ART3: variants seen among roughly 807,000 people sequenced by gnomAD.
ART3 encodes the protein ecto-ADP-ribosyltransferase 3.
A neutral mutation model predicts 48.5 loss-of-function variants in ART3; 49 were observed. The observed-to-expected ratio is 1.01, with a 90% CI of 0.80 to 1.28. The LOEUF (loss-of-function observed/expected upper bound fraction) is 1.28, where lower values mean the gene tolerates loss of function less well. ART3 is among the 50% of genes most tolerant of loss of function. ART3 has a pLI of 0.00. For missense variants in ART3, 438 were observed against 454.3 expected (o/e 0.96, Z 0.33); for synonymous variants, 145 against 157.2 (o/e 0.92, Z 0.58).
intron 1 of ART3, among the ~76,000 whole-genome samples, chr4:76,038,969 C>T (rs948428166): frequency 1.3e-5 from 2 of 152,086 alleles, no homozygotes; most frequent in African/African-American, 2.4e-5. Context: ...GTGATCCTGC[C>T]GCCTTGGCCT....
chr4:76,082,064 GAAGCTC>G lies in ART3; in HGVS notation c.314_319del (p.Ala105_Gln106del), dbSNP rs1722607981. The G allele has an allele frequency of 6.2e-7, 1 of 1,614,042 alleles. No homozygotes were observed. Among genetic ancestry groups the G allele is most frequent in the Admixed American group, 1.7e-5 (1 of 60,000 alleles). ...AATAGCCCTGATGGCATATATTTCC[GAAGCTC>G]AAGAGCAAACTCCCTTTTACCATCT... is the stretch of plus-strand genomic sequence containing the variant. On this transcript the variant is annotated inframe_deletion, in exon 3 of 12. Coordinates refer to ENST00000355810, the MANE Select transcript of ART3 (RefSeq NM_001130016.3).
intron 1 of ART3, among the ~76,000 whole-genome samples, chr4:76,018,737 A>T (rs977052344): frequency 6.6e-6 from 1 of 152,216 alleles, no homozygotes; most frequent in African/African-American, 2.4e-5. Flanking sequence ...AATGAAGAAC[A>T]TATGCCAGAG....
rs59498066 is a variant in ART3 at position 76,069,386 on chromosome 4, C to CTTTGTTTTT, written c.-9-6492_-9-6491insGTTTTTTTT. On this transcript the variant is annotated intron_variant, in intron 1 of 9. Transcript: ENST00000341029. ...ATGTAAATGTATCAGTACTTAATTC[C>CTTTGTTTTT]TTTTTTTTTTTTTTTTTTTTTGAGA... is the stretch of plus-strand genomic sequence containing the variant. Among the ~76,000 whole-genome samples the CTTTGTTTTT allele has an allele frequency of 3.5e-4, 38 of 110,122 alleles. 1 individual carries two copies. Among genetic ancestry groups the CTTTGTTTTT allele is most frequent in the African/African-American group, 1.1e-3 (31 of 29,048 alleles). The allele number at this position is 110,122 out of a possible 152,430, so 72.2% of individuals were successfully genotyped here. A position where few individuals can be genotyped will look rare whatever the true frequency, so the allele number is the denominator to read the frequency against.
chr4:76,050,621 G>T (rs1226359573), intron 1 of ART3, among the ~76,000 whole-genome samples: 2 of 152,228 alleles, frequency 1.3e-5, no homozygotes, highest in Non-Finnish European at 2.9e-5. Flanking sequence ...AGGGCTGCAG[G>T]TGGAGCTGCC....
At chr4:76,084,607 G>A (rs975682154) in intron 3 of ART3, among the ~76,000 whole-genome samples, 1 of 152,106 alleles carries the variant, frequency 6.6e-6, no homozygotes, top group East Asian at 1.9e-4. Flanking sequence ...AAATTTTATG[G>A]TGTTGTGCCT....
chr4:76,055,238 C>T (rs1050610748), intron 1 of ART3, among the ~76,000 whole-genome samples: 2 of 152,204 alleles, frequency 1.3e-5, no homozygotes, highest in Non-Finnish European at 2.9e-5. Context: ...GAGTGTCTAC[C>T]TCTCACCTTG....
rs866014579 is a variant in ART3, at chr4:76,047,734, T to G, written c.-9-28147T>G. ...TTTCTTCAGCTGTCATTCCATCATT[T>G]ACTTGACTAAGATACCGGGTATCTC... is the stretch of plus-strand genomic sequence containing the variant. On this transcript the variant is annotated intron_variant, in intron 1 of 9. Coordinates refer to the ART3 transcript ENST00000341029. Among the ~76,000 whole-genome samples, 54 of 152,084 alleles carry G rather than the reference T, an allele frequency of 3.6e-4. 2 individuals are homozygous for G. Among genetic ancestry groups the G allele is most frequent in the African/African-American group, 1.1e-3 (45 of 41,556 alleles).
intron 1 of ART3, among the ~76,000 whole-genome samples, chr4:76,017,197 A>G (rs1732345403): frequency 1.3e-5 from 2 of 151,590 alleles, no homozygotes; most frequent in African/African-American, 4.9e-5. Flanking sequence ...ACCTAAAGCC[A>G]GCATATCTGA....
intron 3 of ART3, among the ~76,000 whole-genome samples, chr4:76,083,082 C>T (rs1453699600): frequency 2.6e-5 from 4 of 152,290 alleles, no homozygotes; most frequent in Non-Finnish European, 5.9e-5. Flanking sequence ...CCTGTGGTCC[C>T]AGCTGCATGG....
At chr4:76,061,432 C>T (rs1719203452) in intron 1 of ART3, among the ~76,000 whole-genome samples, 1 of 152,202 alleles carries the variant, frequency 6.6e-6, no homozygotes, top group South Asian at 2.1e-4. Context: ...CACCACTTCT[C>T]ACTTGGATTT....
At chr4:76,025,679 C>G (rs1313045170) in intron 1 of ART3, among the ~76,000 whole-genome samples, 1 of 152,122 alleles carries the variant, frequency 6.6e-6, no homozygotes, top group African/African-American at 2.4e-5. Flanking sequence ...TGCAAGACAT[C>G]TTTTGCTCAG....
chr4:76,029,947 A>G (rs889070822), intron 1 of ART3, among the ~76,000 whole-genome samples: 1 of 152,166 alleles, frequency 6.6e-6, no homozygotes, highest in Non-Finnish European at 1.5e-5. Context: ...TCTGTTAGTG[A>G]CAGAACTATT....
intron 1 of ART3, among the ~76,000 whole-genome samples, chr4:76,038,674 C>T (rs1026660044): frequency 6.6e-6 from 1 of 152,188 alleles, no homozygotes; most frequent in Admixed American, 6.5e-5. Flanking sequence ...CTAGAGTCAG[C>T]CTGTGTTCAA....
rs548077019 is a variant in ART3 at position 76,086,712 on chromosome 4, T to C, written c.781+4177T>C. ...CATGGTTTCATGTAAACCTTAAATA[T>C]ACACAATAAAATTCAGTTTTTAAAA... On this transcript the variant is annotated intron_variant, in intron 3 of 11. Coordinates refer to ENST00000355810, the MANE Select transcript of ART3 (RefSeq NM_001130016.3). Among the ~76,000 whole-genome samples, 17 of 152,352 alleles carry C rather than the reference T, an allele frequency of 1.1e-4. No individual in the cohort carries two copies. In the East Asian group the frequency reaches 3.1e-3, roughly 28 times the overall value.
chr4:76,024,940 A>G (rs949301908), intron 1 of ART3, among the ~76,000 whole-genome samples: 2 of 152,296 alleles, frequency 1.3e-5, no homozygotes, highest in East Asian at 1.9e-4. Flanking sequence ...CCTCAAATGT[A>G]GGAACTCCAT....
At position 76,051,346 on chromosome 4, in the gene ART3, T is replaced by A. The variant is rs1328166406; in HGVS notation, c.-9-24535T>A. Among the ~76,000 whole-genome samples the A allele has an allele frequency of 2.0e-5, 3 of 152,270 alleles. No homozygotes were observed. The South Asian group carries it at 6.2e-4, about 32-fold the overall frequency. On this transcript the variant is annotated intron_variant, in intron 1 of 9. Coordinates refer to the ART3 transcript ENST00000341029. Reference sequence around the variant, plus strand: ...GTAGAATACTACTGTGAGTTTCTTATAATATTATTAAAATACCCGTCCCAG... The same window carrying A: ...GTAGAATACTACTGTGAGTTTCTTAAAATATTATTAAAATACCCGTCCCAG...
intron 3 of ART3, among the ~76,000 whole-genome samples, chr4:76,083,410 C>A (rs960621343): frequency 6.6e-6 from 1 of 152,052 alleles, no homozygotes; most frequent in Non-Finnish European, 1.5e-5. Flanking sequence ...GAGTATGTAA[C>A]CCTCATCTAC....
chr4:76,097,890 G>A (rs1726370030), intron 4 of ART3, among the ~76,000 whole-genome samples: 2 of 152,160 alleles, frequency 1.3e-5, no homozygotes, highest in South Asian at 4.1e-4. Flanking sequence ...CCCACCCCAA[G>A]ACTTGCCTGT....
intron 1 of ART3, among the ~76,000 whole-genome samples, chr4:76,045,448 C>A (rs1735410966): frequency 6.6e-6 from 1 of 151,950 alleles, no homozygotes; most frequent in African/African-American, 2.4e-5. Context: ...ACAGTGAGAT[C>A]CTTTCCTTGT....
Sources: gnomAD v4.1 joint callset for allele counts (sites outside exome capture counted in the v4.1 genomes callset) on GRCh38, gnomAD v4.1.1 for gene constraint, MANE v1.5 for transcripts, NCBI Gene and HGNC (gene_info 2026-07-23, HGNC 2026-07-21) for gene names.